SBF2: variants seen among roughly 807,000 people sequenced by gnomAD.
SBF2 encodes myotubularin-related protein 13.
In SBF2, 112 loss-of-function variants were observed where a neutral mutation model predicts 225.2. That is an observed-to-expected ratio of 0.50 (90% CI 0.43 to 0.58). The LOEUF (loss-of-function observed/expected upper bound fraction) is 0.58, where lower values mean the gene tolerates loss of function less well. SBF2 is among the 20% of genes least tolerant of loss of function. SBF2 has a pLI of 0.00. For synonymous variants in SBF2, 763 were observed against 773.3 expected (o/e 0.99, Z 0.22); for missense variants, 1,996 against 2,206.2 (o/e 0.90, Z 1.91).
chr11:10,286,819 T>C (rs932969023), intron 1 of SBF2, among the ~76,000 whole-genome samples: 4 of 152,306 alleles, frequency 2.6e-5, no homozygotes, highest in South Asian at 4.1e-4. Flanking sequence ...CTAGTGAAAA[T>C]GTAAAATGGC....
chr11:10,295,566 T>G (rs1002713773), upstream of SBF2, among the ~76,000 whole-genome samples: 2 of 150,248 alleles, frequency 1.3e-5, no homozygotes, highest in African/African-American at 4.9e-5. Context: ...GAAGATAGTT[T>G]GATCCTGAAA....
chr11:10,170,350 T>C (rs1019389114), intron 2 of SBF2, among the ~76,000 whole-genome samples: 3 of 152,170 alleles, frequency 2.0e-5, no homozygotes, highest in Non-Finnish European at 4.4e-5. Flanking sequence ...GCTATGGACA[T>C]CCAGTTTCTT....
At position 9,900,330 on chromosome 11, in the gene SBF2, C is replaced by T. The variant is rs1488362754; in HGVS notation, c.1861-4319G>A. Among the ~76,000 whole-genome samples, 12 of 152,180 alleles carry T rather than the reference C, an allele frequency of 7.9e-5. No individual in the cohort carries two copies. In the East Asian group the frequency reaches 2.1e-3, roughly 27 times the overall value. On this transcript the variant is annotated intron_variant, in intron 16 of 39. Transcript: ENST00000256190. ...AACTTCCTCATAAAGCAACCTTTTT[C>T]GATTACTGCTCCACCCTGACTCATT...
At chr11:10,193,499 C>T (rs559354593) in intron 2 of SBF2, among the ~76,000 whole-genome samples, 5 of 151,908 alleles carry the variant, frequency 3.3e-5, no homozygotes, top group Admixed American at 6.6e-5. Flanking sequence ...GGACTACAGA[C>T]GCCCGCCACC....
At chr11:10,293,502 T>C (rs973149671) in intron 1 of SBF2, among the ~76,000 whole-genome samples, 4 of 152,164 alleles carry the variant, frequency 2.6e-5, no homozygotes, top group Non-Finnish European at 5.9e-5. Flanking sequence ...GTACCACGCG[T>C]TCCTTGGGGA....
intron 2 of SBF2, among the ~76,000 whole-genome samples, chr11:10,110,106 G>A (rs1383584774): frequency 6.6e-6 from 1 of 152,186 alleles, no homozygotes; most frequent in Non-Finnish European, 1.5e-5. Context: ...TATTTCACAT[G>A]TATGAGGAAA....
At chr11:10,175,260 G>GA (rs1405301612) in intron 2 of SBF2, among the ~76,000 whole-genome samples, 2 of 151,676 alleles carry the variant, frequency 1.3e-5, no homozygotes, top group African/African-American at 2.4e-5. Flanking sequence ...CTGTATTCAG[G>GA]AAACCCATCT....
At chr11:10,236,388 AG>A (rs1306346907) in intron 1 of SBF2, among the ~76,000 whole-genome samples, 13 of 152,296 alleles carry the variant, frequency 8.5e-5, no homozygotes, top group African/African-American at 2.6e-4. Context: ...ACTTGGCTGC[AG>A]GAGTTCAAGC....
chr11:10,011,139 T>C (rs1023559074), intron 6 of SBF2, among the ~76,000 whole-genome samples: 2 of 152,196 alleles, frequency 1.3e-5, no homozygotes, highest in African/African-American at 4.8e-5. Context: ...CCCACAGATT[T>C]CCCATTTCTA....
At chr11:9,967,053 A>G (rs1866959188) in intron 14 of SBF2, among the ~76,000 whole-genome samples, 1 of 152,212 alleles carries the variant, frequency 6.6e-6, no homozygotes, top group Non-Finnish European at 1.5e-5. Flanking sequence ...ATATATCCAA[A>G]CAACGGAGTA....
intron 2 of SBF2, among the ~76,000 whole-genome samples, chr11:10,099,461 G>T (rs976532331): frequency 2.6e-5 from 4 of 152,084 alleles, no homozygotes; most frequent in African/African-American, 9.7e-5. Flanking sequence ...ATGCTAAAGG[G>T]GGTTCTTTAA....
At chr11:9,835,548 C>T (rs1268679179) in intron 26 of SBF2, among the ~76,000 whole-genome samples, 1 of 143,114 alleles carries the variant, frequency 7.0e-6, no homozygotes, top group East Asian at 2.0e-4. Context: ...GGAAGGATCG[C>T]CTGAGCCAGG....
At chr11:10,158,167 CT>C (rs1437472017) in intron 2 of SBF2, among the ~76,000 whole-genome samples, 1 of 151,570 alleles carries the variant, frequency 6.6e-6, no homozygotes, top group Non-Finnish European at 1.5e-5. Flanking sequence ...CGTATCAAAC[CT>C]TATGGGATGC....
At chr11:9,854,317 G>A (rs1564918664) in intron 19 of SBF2, among the ~76,000 whole-genome samples, 1 of 152,204 alleles carries the variant, frequency 6.6e-6, no homozygotes, top group Non-Finnish European at 1.5e-5. Context: ...ATAAAATCAT[G>A]CAAGAGAAGG....
chr11:10,064,844 A>AC (rs1950575410), intron 2 of SBF2, among the ~76,000 whole-genome samples: 3 of 152,136 alleles, frequency 2.0e-5, no homozygotes, highest in African/African-American at 7.2e-5. Context: ...AGATTTCAAA[A>AC]CCCCCTCTCA....
upstream of SBF2, among the ~76,000 whole-genome samples, chr11:10,299,154 C>T (rs543728469): frequency 1.3e-5 from 2 of 151,780 alleles, no homozygotes; most frequent in Non-Finnish European, 2.9e-5. Context: ...CTGGCTAACA[C>T]GGTGAAACCC....
intron 2 of SBF2, among the ~76,000 whole-genome samples, chr11:10,140,170 G>C (rs1338547351): frequency 6.6e-6 from 1 of 152,156 alleles, no homozygotes; most frequent in African/African-American, 2.4e-5. Context: ...TCTGTGACTA[G>C]AAACACAGCT....
At chr11:9,803,623 C>T (rs960666769) in intron 32 of SBF2, among the ~76,000 whole-genome samples, 13 of 152,270 alleles carry the variant, frequency 8.5e-5, no homozygotes, top group Admixed American at 4.6e-4. Context: ...TGGATTATTT[C>T]GCTGACCCTA....
intron 14 of SBF2, among the ~76,000 whole-genome samples, chr11:9,967,971 CTATATA>C (rs1188261255): frequency 0.013 from 1,188 of 91,458 alleles, 22 homozygotes; most frequent in African/African-American, 0.042. Context: ...CTCTCTCTCT[CTATATA>C]TATATATATA....
Sources: allele counts gnomAD v4.1 joint callset (sites outside exome capture counted in the v4.1 genomes callset), GRCh38; gene constraint gnomAD v4.1.1; transcripts MANE v1.5; gene names NCBI Gene and HGNC (gene_info 2026-07-23, HGNC 2026-07-21).